Variants in OCA2 observed in about 807,000 individuals in gnomAD.
OCA2 encodes the protein P protein.
OCA2 carries 77 observed loss-of-function variants against 100.2 expected under a neutral mutation model. That is an observed-to-expected ratio of 0.77 (90% CI 0.64 to 0.93). OCA2 has a LOEUF of 0.93. Ranked by LOEUF, OCA2 falls within the 40% of genes least tolerant of loss-of-function variation. OCA2 has a pLI of 0.00. For missense variants in OCA2, 1,062 were observed against 1,089.1 expected (o/e 0.98, Z 0.35); for synonymous variants, 432 against 439.2 (o/e 0.98, Z 0.21).
intron 9 of OCA2, among the ~76,000 whole-genome samples, chr15:27,992,938 C>A (rs1327646185): frequency 4.6e-5 from 7 of 152,150 alleles, no homozygotes; most frequent in African/African-American, 1.7e-4. Flanking sequence ...GCCTGGCCAG[C>A]ATCACAAGAC....
intron 15 of OCA2, among the ~76,000 whole-genome samples, chr15:27,958,574 G>A (rs1237033386): frequency 2.0e-5 from 3 of 152,150 alleles, no homozygotes; most frequent in Non-Finnish European, 4.4e-5. Flanking sequence ...TCTATAGAAT[G>A]AGCAGAATTT....
chr15:27,781,788 C>T (rs972347722), intron 23 of OCA2, among the ~76,000 whole-genome samples: 1 of 152,082 alleles, frequency 6.6e-6, no homozygotes, highest in Non-Finnish European at 1.5e-5. Flanking sequence ...CTAAAGGTAA[C>T]GTACATACTG....
intron 19 of OCA2, among the ~76,000 whole-genome samples, chr15:27,904,643 C>G (rs1295328026): frequency 6.6e-6 from 1 of 152,174 alleles, no homozygotes; most frequent in Non-Finnish European, 1.5e-5. Flanking sequence ...CTACTGCCAA[C>G]AGTCTATCCT....
chr15:28,016,225 A>G, intron 7 of OCA2, 39 bp from the exon 8 acceptor site: 3 of 1,482,980 alleles, frequency 2.0e-6, no homozygotes, highest in Non-Finnish European at 2.8e-6. Context: ...GAGGCTTTTC[A>G]CCTGAGACAC....
chr15:27,869,044 G>A (rs1044656075), intron 21 of OCA2, among the ~76,000 whole-genome samples: 1 of 152,224 alleles, frequency 6.6e-6, no homozygotes, highest in Non-Finnish European at 1.5e-5. Context: ...ATCGCTGCAT[G>A]CCGCTTCCAG....
intron 18 of OCA2, among the ~76,000 whole-genome samples, chr15:27,933,838 A>G (rs911798166): frequency 1.3e-5 from 2 of 152,190 alleles, no homozygotes; most frequent in African/African-American, 4.8e-5. Context: ...TGTACTTTTC[A>G]GTTGCCTCAG....
At chr15:27,763,476 G>T (rs376852778) in intron 23 of OCA2, among the ~76,000 whole-genome samples, 2 of 152,246 alleles carry the variant, frequency 1.3e-5, no homozygotes, top group East Asian at 3.9e-4. Flanking sequence ...ATTAGAAAAC[G>T]AACAAAAGAC....
chr15:27,721,349 CAG>C, the OCA2 span, among the ~76,000 whole-genome samples: 1 of 152,100 alleles, frequency 6.6e-6, no homozygotes, highest in African/African-American at 2.4e-5. Flanking sequence ...ACCTGGGTGA[CAG>C]AGTGAGATCC....
intron 23 of OCA2, among the ~76,000 whole-genome samples, chr15:27,805,629 G>A (rs2033808630): frequency 6.6e-6 from 1 of 152,144 alleles, no homozygotes; most frequent in Non-Finnish European, 1.5e-5. Flanking sequence ...CGAGCGGTGG[G>A]GCTGGAGCGG....
At chr15:27,889,207 A>G (rs1427142350) in intron 19 of OCA2, among the ~76,000 whole-genome samples, 1 of 152,202 alleles carries the variant, frequency 6.6e-6, no homozygotes, top group Non-Finnish European at 1.5e-5. Context: ...TACAGCCTGC[A>G]AGACTTAGCT....
intron 2 of OCA2, among the ~76,000 whole-genome samples, chr15:28,049,680 A>G (rs746367119): frequency 6.6e-6 from 1 of 152,244 alleles, no homozygotes; most frequent in African/African-American, 2.4e-5. Flanking sequence ...CCTTGAAAAC[A>G]TCATGCTGAA....
chr15:27,816,654 A>T (rs1022884633), intron 23 of OCA2, among the ~76,000 whole-genome samples: 4 of 150,436 alleles, frequency 2.7e-5, no homozygotes, highest in Non-Finnish European at 3.0e-5. Flanking sequence ...GGTTCCCGTA[A>T]CTCCTCCCTC....
At chr15:27,736,608 A>G in the OCA2 span, among the ~76,000 whole-genome samples, 11 of 152,248 alleles carry the variant, frequency 7.2e-5, no homozygotes. Flanking sequence ...TTATCTTCCA[A>G]TTAGCAAATC....
chr15:27,969,923 T>C (rs975575604), intron 14 of OCA2, among the ~76,000 whole-genome samples: 9 of 137,500 alleles, frequency 6.5e-5, no homozygotes, highest in Non-Finnish European at 1.0e-4. Flanking sequence ...AAAAAAAGCT[T>C]CTTATGAAGT....
At position 27,983,395 on chromosome 15, in the gene OCA2, C is replaced by T. The variant is rs747214535; in HGVS notation, c.1453G>A (p.Gly485Arg). 4 of 1,614,064 alleles carry T rather than the reference C, an allele frequency of 2.5e-6. No individual in the cohort carries two copies. Among genetic ancestry groups the T allele is most frequent in the South Asian group, 1.1e-5 (1 of 91,084 alleles). Residue 485 changes from glycine (G) to arginine (R), a missense_variant, in exon 14 of 24, where the codon GGG (glycine) becomes AGG (arginine). Physicochemically the swap from Gly to Arg is moderately radical, Grantham distance 125. Coordinates refer to ENST00000354638, the MANE Select transcript of OCA2 (RefSeq NM_000275.3). ...ACAATAATGACATTTGGAGGGTCCC[C>T]GATGGCAGTGGCAGCTCCTCCAATG... ...TNIGGAATAI[G>R]DPPNVIIVSN...
At chr15:27,841,115 A>G (rs1158759218) in intron 23 of OCA2, among the ~76,000 whole-genome samples, 1 of 152,240 alleles carries the variant, frequency 6.6e-6, no homozygotes, top group African/African-American at 2.4e-5. Flanking sequence ...CATCCATACC[A>G]TGGAGTGCAA....
chr15:27,738,490 T>C, the OCA2 span, among the ~76,000 whole-genome samples: 83,978 of 151,928 alleles, frequency 0.55, 24,303 homozygotes, highest in African/African-American at 0.71. Flanking sequence ...AATCCCAGCA[T>C]TTTGGGAGGC....
intron 23 of OCA2, among the ~76,000 whole-genome samples, chr15:27,840,924 T>C (rs565782517): frequency 1.3e-5 from 2 of 152,180 alleles, no homozygotes; most frequent in Non-Finnish European, 2.9e-5. Context: ...ACATTAAAAA[T>C]TTTTTTGACA....
At chr15:27,967,124 C>T (rs2040597123) in intron 14 of OCA2, among the ~76,000 whole-genome samples, 1 of 151,864 alleles carries the variant, frequency 6.6e-6, no homozygotes, top group South Asian at 2.1e-4. Flanking sequence ...AGCGAGACTC[C>T]GTCTCAAAAC....
Sources: allele counts gnomAD v4.1 joint callset (sites outside exome capture counted in the v4.1 genomes callset), GRCh38; gene constraint gnomAD v4.1.1; transcripts MANE v1.5; gene names NCBI Gene and HGNC (gene_info 2026-07-23, HGNC 2026-07-21).